SPHKAP: variants seen among roughly 807,000 people sequenced by gnomAD.
The protein encoded by SPHKAP is SPHK1 interactor, AKAP domain containing, also known as A-kinase anchor protein SPHKAP.
Under a neutral mutation model 137.5 loss-of-function variants are expected in SPHKAP, and 67 were observed. That is an observed-to-expected ratio of 0.49 (90% CI 0.40 to 0.60). The LOEUF (loss-of-function observed/expected upper bound fraction) is 0.60, where lower values mean the gene tolerates loss of function less well. SPHKAP is among the 20% of genes least tolerant of loss of function. The pLI, the probability that SPHKAP is intolerant of heterozygous loss-of-function variation, is 0.00. For synonymous variants in SPHKAP, 813 were observed against 785.3 expected (o/e 1.04, Z -0.59); for missense variants, 2,097 against 2,069.3 (o/e 1.01, Z -0.26).
intron 2 of SPHKAP, among the ~76,000 whole-genome samples, chr2:228,113,425 C>T (rs1698581099): frequency 6.6e-6 from 1 of 152,110 alleles, no homozygotes; most frequent in Non-Finnish European, 1.5e-5. Context: ...TAGCTATCAT[C>T]ATAGTTACTA....
intron 2 of SPHKAP, among the ~76,000 whole-genome samples, chr2:228,118,511 T>C (rs1029448123): frequency 6.6e-6 from 1 of 152,126 alleles, no homozygotes; most frequent in African/African-American, 2.4e-5. Context: ...CTTGTCCCTA[T>C]CCTTGTCAGT....
At chr2:227,985,551 C>A (rs747660765) in intron 11 of SPHKAP, among the ~76,000 whole-genome samples, 1 of 152,024 alleles carries the variant, frequency 6.6e-6, no homozygotes, top group Admixed American at 6.6e-5. Context: ...TTTTTCTTTC[C>A]GCTGCATTGA....
chr2:228,030,471 C>T (rs567933991), intron 3 of SPHKAP, among the ~76,000 whole-genome samples: 24 of 134,238 alleles, frequency 1.8e-4, no homozygotes, highest in South Asian at 4.8e-4. Flanking sequence ...GCCAAGATAA[C>T]GCCACTGCAC....
At position 228,141,216 on chromosome 2, in the gene SPHKAP, C is replaced by G. The variant is rs149263593; in HGVS notation, c.33-9131G>C. On this transcript the variant is annotated intron_variant, in intron 1 of 11. Transcript: ENST00000392056. ...AATCTAAGGGCAAATTCCATTTCTA[C>G]CAGTTACTAGAGAGATGGAGTTGGA... is the stretch of plus-strand genomic sequence containing the variant. 1.9e-4 allele frequency among the ~76,000 whole-genome samples: 29 copies of G among 152,288 alleles called. No individual in the cohort carries two copies. In the East Asian group the frequency reaches 5.0e-3, roughly 26 times the overall value.
intron 2 of SPHKAP, among the ~76,000 whole-genome samples, chr2:228,122,976 T>C (rs1347922459): frequency 6.6e-6 from 1 of 152,144 alleles, no homozygotes; most frequent in Non-Finnish European, 1.5e-5. Context: ...ATTCTCCTGT[T>C]CAGCCCTTAC....
In SPHKAP at chr2:228,018,222, TCTC is replaced by T. The variant is rs775011095; in HGVS notation, c.2629_2631del (p.Glu877del). 6.2e-7 allele frequency: 1 copy of T among 1,614,124 alleles called. No homozygotes were observed. Among genetic ancestry groups the T allele is most frequent in the African/African-American group, 1.3e-5 (1 of 75,038 alleles). On this transcript the variant is annotated inframe_deletion, in exon 7 of 12. Transcript: ENST00000392056. Reference sequence around the variant, plus strand: ...TTTTCTTGGGTGTTTGGGTGGATACTCTCCTCAGCCTCCTGGGAACCACTTCTG... The same window carrying T: ...TTTTCTTGGGTGTTTGGGTGGATACTCTCAGCCTCCTGGGAACCACTTCTG...
At chr2:228,034,152 A>G (rs1695474899) in intron 3 of SPHKAP, among the ~76,000 whole-genome samples, 1 of 152,182 alleles carries the variant, frequency 6.6e-6, no homozygotes, top group Non-Finnish European at 1.5e-5. Context: ...TAAAGAAGAA[A>G]AGAGAGAAGA....
intron 3 of SPHKAP, among the ~76,000 whole-genome samples, chr2:228,078,420 T>C (rs1000916855): frequency 6.7e-6 from 1 of 148,838 alleles, no homozygotes; most frequent in Non-Finnish European, 1.5e-5. Context: ...ATGTAGTAAG[T>C]ATTTTCAACA....
intron 2 of SPHKAP, among the ~76,000 whole-genome samples, chr2:228,129,417 T>C (rs982785031): frequency 2.0e-5 from 3 of 152,332 alleles, no homozygotes; most frequent in Middle Eastern, 3.4e-3. Flanking sequence ...ATATGACTTT[T>C]TACAAGAGAA....
Position 228,018,502 on chromosome 2 carries a change from G to A in SPHKAP, c.2352C>T (p.Ile784=). The change falls in exon 7 of 12, where the codon ATC becomes ATT. Residue 784 remains isoleucine, a synonymous_variant. Transcript: ENST00000392056. The part of the protein sequence containing the change: ...LSNSHNTSLV[I]NNLVDGMYSK... ...AATACATGCCATCCACAAGATTGTTGATGACAAGACTCGTGTTGTGTGAAT... is the reference window on the plus strand; with the variant it reads ...AATACATGCCATCCACAAGATTGTTAATGACAAGACTCGTGTTGTGTGAAT... The A allele has an allele frequency of 6.2e-7, 1 of 1,614,160 alleles. No individual in the cohort carries two copies. Among genetic ancestry groups the A allele is most frequent in the Middle Eastern group, 1.6e-4 (1 of 6,062 alleles).
chr2:228,068,822 G>C (rs1696911678), intron 3 of SPHKAP, among the ~76,000 whole-genome samples: 1 of 152,200 alleles, frequency 6.6e-6, no homozygotes, highest in African/African-American at 2.4e-5. Context: ...CATAGCAAAT[G>C]CCCTTTATGC....
chr2:228,083,926 C>G (rs1256020749), intron 3 of SPHKAP, among the ~76,000 whole-genome samples: 1 of 151,762 alleles, frequency 6.6e-6, no homozygotes, highest in Non-Finnish European at 1.5e-5. Flanking sequence ...ACACTGGGGC[C>G]TGTTGTGGGG....
chr2:228,102,439 TTAGA>T (rs1292744826), intron 3 of SPHKAP, among the ~76,000 whole-genome samples: 2 of 152,208 alleles, frequency 1.3e-5, no homozygotes, highest in South Asian at 2.1e-4. Context: ...TACTTAATAC[TTAGA>T]TATATATTGT....
At chr2:228,143,047 T>A (rs529346898) in intron 1 of SPHKAP, among the ~76,000 whole-genome samples, 1 of 152,068 alleles carries the variant, frequency 6.6e-6, no homozygotes, top group Non-Finnish European at 1.5e-5. Context: ...GATATTCAAT[T>A]TGTTATTCTT....
chr2:228,180,227 AAC>A lies in SPHKAP; in HGVS notation c.32+1338_32+1339del, dbSNP rs529767239. Among the ~76,000 whole-genome samples the A allele has an allele frequency of 4.4e-3, 668 of 152,248 alleles. 11 individuals are homozygous for A. Among genetic ancestry groups the A allele is most frequent in the Non-Finnish European group, 4.0e-3 (273 of 68,016 alleles). On this transcript the variant is annotated intron_variant, in intron 1 of 11. Coordinates refer to ENST00000392056, the MANE Select transcript of SPHKAP (RefSeq NM_001142644.2). Reference sequence around the variant, plus strand: ...CAGAAACCACAGCGGGCCTTTTCTGAACCATTTGCTATCCCCGCAGCGAAGGG... The same window carrying A: ...CAGAAACCACAGCGGGCCTTTTCTGACATTTGCTATCCCCGCAGCGAAGGG...
chr2:228,064,590 C>T (rs751883309), intron 3 of SPHKAP, among the ~76,000 whole-genome samples: 2 of 152,174 alleles, frequency 1.3e-5, no homozygotes, highest in Admixed American at 6.5e-5. Flanking sequence ...CAGTCATTTA[C>T]GTTACCTTTC....
rs60223998 is a variant in SPHKAP at position 228,135,480 on chromosome 2, T to C, written c.33-3395A>G. Among the ~76,000 whole-genome samples, 603 of 152,326 alleles carry C rather than the reference T, an allele frequency of 4.0e-3. 3 individuals are homozygous for C. The highest frequency in any genetic ancestry group is 0.017 in the Middle Eastern group (5 of 294). ...GCTTTAGATAGACAATCTGCTACAG[T>C]ACTTTTTATGCACCCAAAAGTTTAA... On this transcript the variant is annotated intron_variant, in intron 1 of 11. Transcript: ENST00000392056.
intron 1 of SPHKAP, chr2:228,172,998 A>C: frequency 1.0e-6 from 1 of 981,194 alleles, no homozygotes; most frequent in South Asian, 4.7e-5. Context: ...CTTGCTGAAT[A>C]GCATTAATGA....
chr2:228,151,716 G>C (rs905930353), intron 1 of SPHKAP, among the ~76,000 whole-genome samples: 2 of 151,998 alleles, frequency 1.3e-5, no homozygotes, highest in African/African-American at 4.8e-5. Flanking sequence ...CTGTTGCAAG[G>C]CTGGTTATTT....
Sources: allele counts gnomAD v4.1 joint callset (sites outside exome capture counted in the v4.1 genomes callset), GRCh38; gene constraint gnomAD v4.1.1; transcripts MANE v1.5; gene names NCBI Gene and HGNC (gene_info 2026-07-23, HGNC 2026-07-21).